The following PALS2 variants were observed in gnomAD, a reference collection of about 807,000 sequenced individuals.
PALS2 encodes the protein protein associated with LIN7 2, MAGUK p55 family member, also known as protein PALS2.
PALS2 carries 27 observed loss-of-function variants against 61.6 expected under a neutral mutation model. The ratio of observed to expected loss-of-function variants is 0.44; its 90% CI spans 0.32 to 0.60. The LOEUF is 0.60. Ranked by LOEUF, PALS2 falls within the 20% of genes least tolerant of loss-of-function variation. The pLI, the probability that PALS2 is intolerant of heterozygous loss-of-function variation, is 0.05. For missense variants in PALS2, 554 were observed against 639.4 expected, an observed-to-expected ratio of 0.87 and a Z score of 1.44; for synonymous variants, 236 against 218.6, an observed-to-expected ratio of 1.08 and a Z score of -0.70.
intron 11 of PALS2, among the ~76,000 whole-genome samples, chr7:24,686,340 C>T (rs1377330238): frequency 7.9e-5 from 12 of 152,106 alleles, no homozygotes; most frequent in Admixed American, 7.9e-4. Context: ...TCACTCAAGG[C>T]CCACAGAGGT....
chr7:24,592,008 CTA>C (rs1212818881), intron 1 of PALS2, among the ~76,000 whole-genome samples: 1 of 151,394 alleles, frequency 6.6e-6, no homozygotes, highest in African/African-American at 2.4e-5. Context: ...ACAAAATAAA[CTA>C]TGAAAAGGAT....
intron 1 of PALS2, among the ~76,000 whole-genome samples, chr7:24,591,017 C>T (rs1207148998): frequency 6.6e-6 from 1 of 152,020 alleles, no homozygotes. Context: ...TTGCTAATCT[C>T]TTTCTCTTTT....
chr7:24,599,673 T>C (rs1783647729), intron 1 of PALS2, among the ~76,000 whole-genome samples: 1 of 151,592 alleles, frequency 6.6e-6, no homozygotes, highest in Admixed American at 6.6e-5. Flanking sequence ...CCTGGCTGTT[T>C]TTTGTATTTT....
At chr7:24,666,114 A>G (rs1219425469) in intron 8 of PALS2, 25 bp downstream of exon 8, 1 of 1,571,024 alleles carries the variant, frequency 6.4e-7, no homozygotes, top group South Asian at 1.1e-5. Flanking sequence ...CTTTTTGAGA[A>G]GTCCAAGTGA....
intron 3 of PALS2, among the ~76,000 whole-genome samples, chr7:24,643,767 G>T (rs1443668210): frequency 6.6e-6 from 1 of 152,126 alleles, no homozygotes; most frequent in African/African-American, 2.4e-5. Flanking sequence ...TGGTGTTGAT[G>T]TTATTTCTTC....
intron 2 of PALS2, among the ~76,000 whole-genome samples, chr7:24,633,920 G>A (rs1268877513): frequency 6.6e-6 from 1 of 152,138 alleles, no homozygotes; most frequent in African/African-American, 2.4e-5. Flanking sequence ...AACTGTCCTA[G>A]TGGGTGTGAA....
At chr7:24,662,709 C>T (rs561899039) in intron 5 of PALS2, among the ~76,000 whole-genome samples, 3 of 135,776 alleles carry the variant, frequency 2.2e-5, no homozygotes, top group South Asian at 2.4e-4. Flanking sequence ...GCGGAGGTTG[C>T]GGTGAGCAGA....
chr7:24,614,064 T>C (rs1045993987), intron 1 of PALS2, among the ~76,000 whole-genome samples: 1 of 151,892 alleles, frequency 6.6e-6, no homozygotes, highest in Non-Finnish European at 1.5e-5. Flanking sequence ...GGCACAGATA[T>C]CTCATTAATA....
chr7:24,593,100 A>G (rs1783361784), intron 1 of PALS2, among the ~76,000 whole-genome samples: 1 of 152,138 alleles, frequency 6.6e-6, no homozygotes, highest in Non-Finnish European at 1.5e-5. Context: ...AACTTATGTA[A>G]TATTCTAAAT....
At chr7:24,670,406 G>C (rs1787238027) in intron 9 of PALS2, among the ~76,000 whole-genome samples, 1 of 151,694 alleles carries the variant, frequency 6.6e-6, no homozygotes, top group East Asian at 1.9e-4. Context: ...ACTACATGCT[G>C]TCTCTCTGGC....
chr7:24,671,979 C>A (rs963856971), intron 9 of PALS2, among the ~76,000 whole-genome samples: 1 of 151,468 alleles, frequency 6.6e-6, no homozygotes, highest in Non-Finnish European at 1.5e-5. Context: ...AATTGTGAAC[C>A]CAACTTGTTC....
At chr7:24,594,873 A>G (rs2128044799) in intron 1 of PALS2, among the ~76,000 whole-genome samples, 1 of 152,270 alleles carries the variant, frequency 6.6e-6, no homozygotes, top group Non-Finnish European at 1.5e-5. Context: ...TAGTAATGAA[A>G]AAGTTTGAAA....
At chr7:24,652,290 A>G (rs1300704489) in intron 5 of PALS2, among the ~76,000 whole-genome samples, 1 of 152,176 alleles carries the variant, frequency 6.6e-6, no homozygotes, top group Non-Finnish European at 1.5e-5. Flanking sequence ...TACAGGCAAA[A>G]TAAAATTTTA....
chr7:24,670,658 T>C (rs992929131), intron 9 of PALS2, among the ~76,000 whole-genome samples: 3 of 152,240 alleles, frequency 2.0e-5, no homozygotes, highest in Non-Finnish European at 4.4e-5. Context: ...TGTTACAACG[T>C]CTTCATCATC....
intron 1 of PALS2, among the ~76,000 whole-genome samples, chr7:24,594,158 A>T (rs1261279105): frequency 3.3e-5 from 5 of 152,068 alleles, no homozygotes; most frequent in Admixed American, 3.3e-4. Context: ...CCTCATGAAC[A>T]ACCTGTGCAA....
chr7:24,577,270 C>G (rs1455345552), intron 1 of PALS2, among the ~76,000 whole-genome samples: 4 of 142,280 alleles, frequency 2.8e-5, no homozygotes, highest in Non-Finnish European at 6.1e-5. Flanking sequence ...TTCCTTTTTT[C>G]CTTTTTTTTT....
At chr7:24,663,750 C>T (rs1786863535) in intron 6 of PALS2, 29 bp downstream of exon 6, 4 of 1,585,014 alleles carry the variant, frequency 2.5e-6, no homozygotes. Context: ...AGTTCCTCAG[C>T]TACTTTTCTA....
At chr7:24,591,575 G>A (rs1256842999) in intron 1 of PALS2, among the ~76,000 whole-genome samples, 1 of 152,110 alleles carries the variant, frequency 6.6e-6, no homozygotes, top group Non-Finnish European at 1.5e-5. Flanking sequence ...CTAATTTTGT[G>A]TTAGAGATAG....
rs1333329843 is a variant in PALS2 at position 24,679,173 on chromosome 7, C to T, written c.1157C>T (p.Ala386Val). The T allele has an allele frequency of 1.2e-6, 2 of 1,613,728 alleles. No homozygotes were observed. The highest frequency in any genetic ancestry group is 1.7e-6 in the Non-Finnish European group (2 of 1,179,840). ...AGGGAAGATGAAAAAGATGGCCAGG[C>T]ATATAAGTTTGTGTCACGATCTGAG... Reference protein sequence around the residue: ...KPREDEKDGQAYKFVSRSEME... With the variant: ...KPREDEKDGQVYKFVSRSEME... The change falls in exon 10 of 12, where the codon GCA becomes GTA. Residue 386 changes from alanine to valine, a missense_variant. Physicochemically the swap from Ala to Val is moderately conservative, Grantham distance 64. Transcript: ENST00000222644.
Sources: gnomAD v4.1 joint callset for allele counts (sites outside exome capture counted in the v4.1 genomes callset) on GRCh38, gnomAD v4.1.1 for gene constraint, MANE v1.5 for transcripts, NCBI Gene and HGNC (gene_info 2026-07-23, HGNC 2026-07-21) for gene names.